The following ZNF536 variants were observed in gnomAD, a reference collection of about 807,000 sequenced individuals.
ZNF536 encodes zinc finger protein 536.
A neutral mutation model predicts 84.5 loss-of-function variants in ZNF536; 13 were observed. The ratio of observed to expected loss-of-function variants is 0.15; its 90% CI spans 0.10 to 0.24. The LOEUF (loss-of-function observed/expected upper bound fraction) is 0.24, where lower values mean the gene tolerates loss of function less well. Among genes scored for constraint, ZNF536 ranks in the 10% least tolerant of loss-of-function variants. The probability of loss-of-function intolerance (pLI) is 1.00; values close to 1 mark genes in which losing one functional copy is unlikely to be tolerated. For missense variants in ZNF536, 1,536 were observed against 1,747.5 expected (o/e 0.88, Z 2.16); for synonymous variants, 811 against 742.5 (o/e 1.09, Z -1.50).
At chr19:30,412,165 T>C (rs918635329) in intron 1 of ZNF536, among the ~76,000 whole-genome samples, 1 of 152,070 alleles carries the variant, frequency 6.6e-6, no homozygotes, top group African/African-American at 2.4e-5. Flanking sequence ...GTACAGTCAT[T>C]TTCAACTGTG....
intron 1 of ZNF536, among the ~76,000 whole-genome samples, chr19:30,568,032 AT>A (rs2046414494): frequency 6.6e-6 from 1 of 152,236 alleles, no homozygotes; most frequent in Non-Finnish European, 1.5e-5. Flanking sequence ...TATTATGATA[AT>A]TAAAAACATA....
intron 2 of ZNF536, among the ~76,000 whole-genome samples, chr19:30,290,505 C>T (rs985203372): frequency 3.9e-5 from 6 of 151,994 alleles, no homozygotes; most frequent in East Asian, 1.9e-4. Context: ...CTTCTGGGCT[C>T]GAATCATCTG....
chr19:30,705,785 G>A (rs1189791519), intron 1 of ZNF536, among the ~76,000 whole-genome samples: 1 of 152,098 alleles, frequency 6.6e-6, no homozygotes, highest in East Asian at 1.9e-4. Context: ...TATGTGCATA[G>A]CTTTAGATGG....
At chr19:30,634,739 C>T (rs945213048) in intron 1 of ZNF536, among the ~76,000 whole-genome samples, 5 of 152,076 alleles carry the variant, frequency 3.3e-5, no homozygotes, top group African/African-American at 1.2e-4. Context: ...TACAAACTCA[C>T]ACAATCCAAC....
chr19:30,577,296 G>T (rs1483943064), intron 1 of ZNF536, among the ~76,000 whole-genome samples: 1 of 152,086 alleles, frequency 6.6e-6, no homozygotes, highest in Non-Finnish European at 1.5e-5. Context: ...ATTTACAGCT[G>T]AGTTATAAAC....
intron 1 of ZNF536, among the ~76,000 whole-genome samples, chr19:30,380,142 C>G (rs1352229809): frequency 6.6e-6 from 1 of 152,192 alleles, no homozygotes; most frequent in Non-Finnish European, 1.5e-5. Context: ...CAAAATATAG[C>G]CCAAGTCCTA....
chr19:30,333,683 C>T (rs575027663), intron 2 of ZNF536, among the ~76,000 whole-genome samples: 4 of 152,232 alleles, frequency 2.6e-5, no homozygotes, highest in African/African-American at 9.6e-5. Context: ...CACCTTGAGC[C>T]CTACCTGCAA....
At chr19:30,586,780 C>A (rs2047111103) in intron 1 of ZNF536, among the ~76,000 whole-genome samples, 1 of 152,106 alleles carries the variant, frequency 6.6e-6, no homozygotes, top group African/African-American at 2.4e-5. Flanking sequence ...TCTTGTAGTC[C>A]AAGAAACACT....
chr19:30,602,798 G>T (rs1425360329), intron 1 of ZNF536, among the ~76,000 whole-genome samples: 1 of 152,174 alleles, frequency 6.6e-6, no homozygotes, highest in Non-Finnish European at 1.5e-5. Context: ...TTTCTGCATG[G>T]AATCTGGCTG....
At chr19:30,407,961 G>A (rs1274074584) in intron 1 of ZNF536, among the ~76,000 whole-genome samples, 2 of 152,114 alleles carry the variant, frequency 1.3e-5, no homozygotes, top group Non-Finnish European at 2.9e-5. Context: ...TTTGTTGAGA[G>A]GAAAGTGGCC....
At position 30,523,583 on chromosome 19, in the gene ZNF536, G is replaced by T. The variant is rs894603229; in HGVS notation, c.2171-11264G>T. 3.3e-5 allele frequency among the ~76,000 whole-genome samples: 5 copies of T among 152,210 alleles called. No individual in the cohort carries two copies. The East Asian group carries it at 5.8e-4, about 18-fold the overall frequency. ...GCGACAAGATGGAGAAGCCTTTGGA[G>T]ATAGGGACAGTGACAGTGGCTTCCC... is the stretch of plus-strand genomic sequence containing the variant. On this transcript the variant is annotated intron_variant, in intron 2 of 4. Coordinates refer to ENST00000355537, the MANE Select transcript of ZNF536 (RefSeq NM_014717.3).
intron 1 of ZNF536, among the ~76,000 whole-genome samples, chr19:30,574,031 G>C (rs2046644215): frequency 1.3e-5 from 2 of 152,122 alleles, no homozygotes; most frequent in South Asian, 4.1e-4. Context: ...ATTCTTTTTA[G>C]TATTTCTTCT....
chr19:30,291,754 C>T (rs558248132), intron 2 of ZNF536, among the ~76,000 whole-genome samples: 1 of 152,254 alleles, frequency 6.6e-6, no homozygotes, highest in South Asian at 2.1e-4. Flanking sequence ...TTGTTTTTTC[C>T]ATTTTTATGC....
At chr19:30,698,078 G>A (rs1427805699) in intron 1 of ZNF536, among the ~76,000 whole-genome samples, 1 of 152,190 alleles carries the variant, frequency 6.6e-6, no homozygotes. Flanking sequence ...GATCACCTGA[G>A]GTCAACTGTT....
At chr19:30,606,210 AATAAAATAT>A (rs1434354643) in intron 1 of ZNF536, among the ~76,000 whole-genome samples, 1 of 131,292 alleles carries the variant, frequency 7.6e-6, no homozygotes, top group Non-Finnish European at 1.6e-5. Flanking sequence ...AATAAAATAA[AATAAAATAT>A]AAAATAAAAT....
intron 2 of ZNF536, among the ~76,000 whole-genome samples, chr19:30,335,482 C>T (rs2146459423): frequency 6.6e-6 from 1 of 152,240 alleles, no homozygotes; most frequent in South Asian, 2.1e-4. Flanking sequence ...GCACGCCCAC[C>T]CCTCTTCCCA....
At chr19:30,579,221 G>A (rs1433626163) in intron 1 of ZNF536, among the ~76,000 whole-genome samples, 2 of 152,178 alleles carry the variant, frequency 1.3e-5, no homozygotes, top group Non-Finnish European at 2.9e-5. Context: ...GCACCTGATC[G>A]AATGACTAAT....
At chr19:30,582,063 G>A (rs1014068512) in intron 1 of ZNF536, among the ~76,000 whole-genome samples, 20 of 152,174 alleles carry the variant, frequency 1.3e-4, no homozygotes, top group Admixed American at 2.0e-4. Flanking sequence ...GTGAGGGTCC[G>A]CGGTCCTGCT....
chr19:30,249,040 T>C (rs982349244), intron 1 of ZNF536, among the ~76,000 whole-genome samples: 2 of 152,238 alleles, frequency 1.3e-5, no homozygotes, highest in African/African-American at 4.8e-5. Context: ...GTGCCTTTCA[T>C]ACAGATTTGA....
Sources: allele counts gnomAD v4.1 joint callset (sites outside exome capture counted in the v4.1 genomes callset), GRCh38; gene constraint gnomAD v4.1.1; transcripts MANE v1.5; gene names NCBI Gene and HGNC (gene_info 2026-07-23, HGNC 2026-07-21).